The following KIFBP variants were observed in gnomAD, a reference collection of about 807,000 sequenced individuals.
KIFBP encodes the protein KIF-binding protein.
Under a neutral mutation model 58.9 loss-of-function variants are expected in KIFBP, and 46 were observed. The ratio of observed to expected loss-of-function variants is 0.78; its 90% confidence interval spans 0.62 to 1.00. The LOEUF is 1.00. Ranked by LOEUF, KIFBP falls within the 50% of genes least tolerant of loss-of-function variation. KIFBP has a pLI of 0.00. For synonymous variants in KIFBP, 241 were observed against 283.4 expected (o/e 0.85, Z 1.50); for missense variants, 651 against 752.9 (o/e 0.86, Z 1.58).
chr10:68,990,751 G>A (rs951912104), intron 1 of KIFBP, among the ~76,000 whole-genome samples: 4 of 152,116 alleles, frequency 2.6e-5, no homozygotes, highest in Non-Finnish European at 5.9e-5. Context: ...GGTCAAGGCT[G>A]CAGTGAGCCA....
At position 69,015,790 on chromosome 10, in the gene KIFBP, G is replaced by A. The variant is rs754921517; in HGVS notation, c.1240G>A (p.Gly414Ser). ...FEAKEFFQID[G>S]YVTDHIEVVQ... ...GGCAAAAGAGTTCTTTCAGATTGATGGTTATGTCACTGACCATATTGAAGT... is the reference window on the plus strand; with the variant it reads ...GGCAAAAGAGTTCTTTCAGATTGATAGTTATGTCACTGACCATATTGAAGT... The change falls in exon 7 of 7, where the codon GGT becomes AGT. Residue 414 changes from glycine to serine, a missense_variant. Gly to Ser is a moderately conservative substitution (Grantham distance 56, BLOSUM62 0). Transcript: ENST00000361983. The A allele has an allele frequency of 6.2e-7, 1 of 1,614,176 alleles. No homozygotes were observed. The highest frequency in any genetic ancestry group is 2.2e-5 in the East Asian group (1 of 44,890).
chr10:69,005,829 C>CT lies in KIFBP; in HGVS notation c.704dup (p.Arg237ThrfsTer4). The CT allele has an allele frequency of 6.2e-7, 1 of 1,614,166 alleles. No individual in the cohort carries two copies. The highest frequency in any genetic ancestry group is 8.5e-7 in the Non-Finnish European group (1 of 1,180,016). On this transcript the variant is annotated frameshift_variant, in exon 4 of 7. Coordinates refer to ENST00000361983, the MANE Select transcript of KIFBP (RefSeq NM_015634.4). LOFTEE classifies it high-confidence loss of function. ...GGCTGCTCACTATTGCCATAGTACACTAAAACGCCAGCTTGAGCACAATGC... is the reference window on the plus strand; with the variant it reads ...GGCTGCTCACTATTGCCATAGTACACTTAAAACGCCAGCTTGAGCACAATGC...
Position 69,015,801 on chromosome 10 carries a change from T to G in KIFBP, c.1251T>G (p.Thr417=). The change falls in exon 7 of 7, where the codon ACT becomes ACG. Residue 417 remains threonine (T), a synonymous_variant. Transcript: ENST00000361983. ...TCTTTCAGATTGATGGTTATGTCAC[T>G]GACCATATTGAAGTTGTCCAAGACC... ...KEFFQIDGYV[T]DHIEVVQDHS... 6.2e-7 allele frequency: 1 copy of G among 1,614,230 alleles called. No individual in the cohort carries two copies. Among genetic ancestry groups the G allele is most frequent in the Middle Eastern group, 1.6e-4 (1 of 6,062 alleles).
chr10:68,996,899 C>T lies in KIFBP; in HGVS notation c.427-3525C>T, dbSNP rs559670405. On this transcript the variant is annotated intron_variant, in intron 1 of 6. Coordinates refer to ENST00000361983, the MANE Select transcript of KIFBP (RefSeq NM_015634.4). Reference sequence around the variant, plus strand: ...AATATTTTGGCCAGGCGCAGTGGCTCATGCCTGTAATCCCAAGACTTTGGG... The same window carrying T: ...AATATTTTGGCCAGGCGCAGTGGCTTATGCCTGTAATCCCAAGACTTTGGG... 2.2e-4 allele frequency among the ~76,000 whole-genome samples: 33 copies of T among 151,660 alleles called. No individual in the cohort carries two copies. In the South Asian group the frequency reaches 5.6e-3, roughly 26 times the overall value.
chr10:69,004,652 C>A (rs370082660), intron 2 of KIFBP, among the ~76,000 whole-genome samples: 23 of 152,184 alleles, frequency 1.5e-4, no homozygotes, highest in African/African-American at 4.8e-4. Flanking sequence ...TGCTTGAGCC[C>A]AGGAGTTTTA....
At position 69,015,638 on chromosome 10, in the gene KIFBP, T is replaced by C; in HGVS notation, c.1088T>C (p.Val363Ala). 6.2e-7 allele frequency: 1 copy of C among 1,614,128 alleles called. No homozygotes were observed. Among genetic ancestry groups the C allele is most frequent in the Non-Finnish European group, 8.5e-7 (1 of 1,180,012 alleles). Residue 363 changes from valine to alanine, a missense_variant, in exon 7 of 7, where the codon GTG (valine) becomes GCG (alanine). By Grantham distance (64) the Val-to-Ala change is moderately conservative. Coordinates refer to ENST00000361983, the MANE Select transcript of KIFBP (RefSeq NM_015634.4). ...GAGGAAAGCATTCGGAAAAAAGCTG[T>C]GCAGTTTGGAACCGGTGAACTGTGT... ...DEEESIRKKA[V>A]QFGTGELCDA...
intron 6 of KIFBP, among the ~76,000 whole-genome samples, chr10:69,014,372 C>A (rs189685053): frequency 7.8e-4 from 118 of 152,222 alleles, no homozygotes; most frequent in Non-Finnish European, 1.6e-3. Context: ...GAAGGCACAC[C>A]ATGTCAAGGA....
Position 68,988,887 on chromosome 10 carries a change from C to T in KIFBP, c.55C>T (p.Leu19=). 6.2e-7 allele frequency: 1 copy of T among 1,614,250 alleles called. No individual in the cohort carries two copies. The highest frequency in any genetic ancestry group is 8.5e-7 in the Non-Finnish European group (1 of 1,180,042). The change falls in exon 1 of 7, where the codon CTG becomes TTG. Residue 19 remains leucine, a synonymous_variant. Coordinates refer to ENST00000361983, the MANE Select transcript of KIFBP (RefSeq NM_015634.4). The stretch of plus-strand genomic sequence containing the variant: ...CGAGAAATTCCAGGCGGCGCTCGCT[C>T]TGTCGCGGGTGGAACTGCATAAAAA... ...VCEKFQAALA[L]SRVELHKNPE... is the part of the protein sequence containing the mutation.
At chr10:68,998,757 G>GTGTATATA (rs1449148038) in intron 1 of KIFBP, among the ~76,000 whole-genome samples, 17 of 79,884 alleles carry the variant, frequency 2.1e-4, no homozygotes, top group Admixed American at 4.8e-4. Context: ...ATACATATAT[G>GTGTATATA]TATATATATA....
At chr10:68,989,391 C>T (rs1274319100) in intron 1 of KIFBP, 133 bp downstream of exon 1, 1 of 985,260 alleles carries the variant, frequency 1.0e-6, no homozygotes, top group African/African-American at 1.6e-5. Flanking sequence ...GGACTGAGTC[C>T]CAAAGAGCGT....
intron 6 of KIFBP, among the ~76,000 whole-genome samples, chr10:69,012,361 A>G (rs1364168045): frequency 6.6e-6 from 1 of 152,206 alleles, no homozygotes; most frequent in African/African-American, 2.4e-5. Flanking sequence ...CATCATCATT[A>G]TTAATTTATG....
In KIFBP at chr10:69,016,345, C is replaced by T. The variant is rs1839005881; in HGVS notation, c.1795C>T (p.Leu599Phe). The change falls in exon 7 of 7, where the codon CTT becomes TTT. Residue 599 changes from leucine to phenylalanine, a missense_variant. Physicochemically the swap from Leu to Phe is conservative, Grantham distance 22. Transcript: ENST00000361983. ...AAQEIEVELE[L>F]SKEMVSLLPT... is the part of the protein sequence containing the mutation. ...CCAGGAAATAGAAGTTGAGCTAGAA[C>T]TTAGTAAAGAGATGGTTAGTCTTCT... is the stretch of plus-strand genomic sequence containing the variant. 4 of 1,613,554 alleles carry T rather than the reference C, an allele frequency of 2.5e-6. No homozygotes were observed. The highest frequency in any genetic ancestry group is 3.4e-6 in the Non-Finnish European group (4 of 1,179,806).
intron 2 of KIFBP, among the ~76,000 whole-genome samples, chr10:69,003,855 AT>A (rs1843498757): frequency 6.6e-6 from 1 of 152,110 alleles, no homozygotes; most frequent in African/African-American, 2.4e-5. Context: ...AAATATATAC[AT>A]TTTTCCTATT....
At chr10:69,003,914 T>C (rs971999997) in intron 2 of KIFBP, among the ~76,000 whole-genome samples, 3 of 152,082 alleles carry the variant, frequency 2.0e-5, no homozygotes, top group East Asian at 3.8e-4. Flanking sequence ...CCAGACAAAA[T>C]TGCCATTTGA....
At chr10:68,994,122 G>T (rs1186948624) in intron 1 of KIFBP, among the ~76,000 whole-genome samples, 1 of 151,992 alleles carries the variant, frequency 6.6e-6, no homozygotes, top group African/African-American at 2.4e-5. Flanking sequence ...GGAGATCAAG[G>T]CTGCAGTAAG....
chr10:68,991,632 GC>G, intron 1 of KIFBP: 1 of 292,430 alleles, frequency 3.4e-6, no homozygotes. Context: ...TCTACCTTGA[GC>G]AGGCATTCAA....
chr10:69,011,271 T>C (rs1843586695), intron 6 of KIFBP: 2 of 350,198 alleles, frequency 5.7e-6, no homozygotes, highest in African/African-American at 4.2e-5. Context: ...CATCTCTAAA[T>C]AAATAAATAA....
In KIFBP at chr10:68,998,771, A is replaced by ATATATAT. The variant is rs1357079794; in HGVS notation, c.427-1652_427-1651insATATATT. Among the ~76,000 whole-genome samples, 843 of 99,912 alleles carry ATATATAT rather than the reference A, an allele frequency of 8.4e-3. 12 individuals are homozygous for ATATATAT. Among genetic ancestry groups the ATATATAT allele is most frequent in the Non-Finnish European group, 0.012 (616 of 50,938 alleles). The allele number at this position is 99,912 out of a possible 152,430, so 65.5% of individuals were successfully genotyped here. On this transcript the variant is annotated intron_variant, in intron 1 of 6. Coordinates refer to ENST00000361983, the MANE Select transcript of KIFBP (RefSeq NM_015634.4). ...CATACATATATGTATATATATATATATTTTTTTTTTTTTTTTTTTTTTGAG... is the reference window on the plus strand; with the variant it reads ...CATACATATATGTATATATATATATATATATATTTTTTTTTTTTTTTTTTTTTTTGAG...
intron 5 of KIFBP, among the ~76,000 whole-genome samples, chr10:69,010,347 A>G (rs1036063105): frequency 6.6e-6 from 1 of 152,192 alleles, no homozygotes; most frequent in African/African-American, 2.4e-5. Context: ...TTTTTGCACA[A>G]TTATACTCAT....
Sources: gnomAD v4.1 joint callset for allele counts (sites outside exome capture counted in the v4.1 genomes callset) on GRCh38, gnomAD v4.1.1 for gene constraint, MANE v1.5 for transcripts, NCBI Gene and HGNC (gene_info 2026-07-23, HGNC 2026-07-21) for gene names.